Variants in TTC28 observed in about 807,000 individuals in gnomAD.
The protein encoded by TTC28 is tetratricopeptide repeat protein 28.
Under a neutral mutation model 198.0 loss-of-function variants are expected in TTC28, and 61 were observed. The ratio of observed to expected loss-of-function variants is 0.31; its 90% CI spans 0.25 to 0.38. The LOEUF is 0.38. Among genes scored for constraint, TTC28 ranks in the 10% least tolerant of loss-of-function variants. The pLI is 1.00. For missense variants in TTC28, 2,678 were observed against 3,164.0 expected, an observed-to-expected ratio of 0.85 and a Z score of 3.69; for synonymous variants, 1,171 against 1,297.8, an observed-to-expected ratio of 0.90 and a Z score of 2.10.
chr22:28,560,772 G>A (rs2049858215), intron 2 of TTC28, among the ~76,000 whole-genome samples: 2 of 151,556 alleles, frequency 1.3e-5, no homozygotes, highest in African/African-American at 4.8e-5. Context: ...TTGTTTGTTT[G>A]TTTGAGACAG....
chr22:28,174,670 G>A (rs906052811), intron 5 of TTC28, among the ~76,000 whole-genome samples: 2 of 152,020 alleles, frequency 1.3e-5, no homozygotes, highest in African/African-American at 4.8e-5. Context: ...CTATGATCAC[G>A]CCACTGCACT....
rs372048310 is a variant in TTC28 at position 28,092,548 on chromosome 22, T to C, written c.3932+1532A>G. Among the ~76,000 whole-genome samples, 20 of 152,304 alleles carry C rather than the reference T, an allele frequency of 1.3e-4. No homozygotes were observed. The East Asian group carries it at 3.7e-3, about 28-fold the overall frequency. Reference sequence around the variant, plus strand: ...CTGCCAAAGTCTGCCCTGCTGGCTCTCCTACTTTTGGGTTTCTATTGCTGG... The same window carrying C: ...CTGCCAAAGTCTGCCCTGCTGGCTCCCCTACTTTTGGGTTTCTATTGCTGG... On this transcript the variant is annotated intron_variant, in intron 12 of 22. Coordinates refer to ENST00000397906, the MANE Select transcript of TTC28 (RefSeq NM_001145418.2).
chr22:27,985,552 C>T (rs530500738), intron 21 of TTC28, 196 bp from the exon 22 acceptor site: 1 of 487,912 alleles, frequency 2.0e-6, no homozygotes. Context: ...CCACCCAGAA[C>T]ATCCACTCTA....
chr22:28,357,315 ATTTTT>A (rs11415868), intron 2 of TTC28, among the ~76,000 whole-genome samples: 11 of 113,486 alleles, frequency 9.7e-5, no homozygotes, highest in Admixed American at 1.0e-4. Context: ...CAAATTTCTT[ATTTTT>A]TTTTTTTTTT....
At chr22:28,244,709 C>T (rs1354653998) in intron 5 of TTC28, among the ~76,000 whole-genome samples, 3 of 152,192 alleles carry the variant, frequency 2.0e-5, no homozygotes, top group Admixed American at 6.5e-5. Flanking sequence ...ATCCATTATT[C>T]AATGTTTTTA....
intron 2 of TTC28, among the ~76,000 whole-genome samples, chr22:28,516,223 A>G (rs563374551): frequency 1.8e-4 from 27 of 152,290 alleles, no homozygotes; most frequent in Non-Finnish European, 1.0e-4. Context: ...AACATTTTTA[A>G]ATAGTAAACT....
At chr22:28,351,175 C>T (rs1231912591) in intron 2 of TTC28, among the ~76,000 whole-genome samples, 1 of 151,674 alleles carries the variant, frequency 6.6e-6, no homozygotes, top group Non-Finnish European at 1.5e-5. Flanking sequence ...GAGCAAGACT[C>T]TGTCTCAAAG....
At chr22:27,988,872 G>A (rs552055157) in intron 21 of TTC28, among the ~76,000 whole-genome samples, 1 of 152,276 alleles carries the variant, frequency 6.6e-6, no homozygotes, top group African/African-American at 2.4e-5. Context: ...CTGCCATGGT[G>A]CTCCCTGGCT....
chr22:28,120,433 C>G (rs1264889483), intron 6 of TTC28, among the ~76,000 whole-genome samples: 2 of 152,180 alleles, frequency 1.3e-5, no homozygotes, highest in African/African-American at 4.8e-5. Context: ...AAGACACTCA[C>G]AGAGGCCATG....
chr22:28,386,100 C>A (rs1286410026), intron 2 of TTC28, among the ~76,000 whole-genome samples: 2 of 150,774 alleles, frequency 1.3e-5, no homozygotes, highest in Admixed American at 6.6e-5. Flanking sequence ...AACGGTGAAA[C>A]CCCGTCTCTA....
intron 5 of TTC28, among the ~76,000 whole-genome samples, chr22:28,246,950 T>C (rs1930149239): frequency 6.6e-6 from 1 of 152,098 alleles, no homozygotes; most frequent in Non-Finnish European, 1.5e-5. Flanking sequence ...AAAAAATGCA[T>C]TTCTTGAAAG....
At chr22:28,560,945 T>A (rs143842671) in intron 2 of TTC28, among the ~76,000 whole-genome samples, 1 of 151,018 alleles carries the variant, frequency 6.6e-6, no homozygotes, top group Non-Finnish European at 1.5e-5. Flanking sequence ...TTAGTAGAGA[T>A]AGGGTTTCAC....
intron 2 of TTC28, among the ~76,000 whole-genome samples, chr22:28,380,858 T>C (rs2046483596): frequency 6.6e-6 from 1 of 152,142 alleles, no homozygotes; most frequent in African/African-American, 2.4e-5. Context: ...AGTGCTTGTG[T>C]TGGATCTTCC....
At chr22:28,554,007 C>T (rs1481802075) in intron 2 of TTC28, among the ~76,000 whole-genome samples, 1 of 152,078 alleles carries the variant, frequency 6.6e-6, no homozygotes, top group African/African-American at 2.4e-5. Context: ...ACATGGGAGA[C>T]TTTTCATTTT....
intron 12 of TTC28, among the ~76,000 whole-genome samples, chr22:28,036,670 G>T (rs1195645625): frequency 6.6e-6 from 1 of 152,152 alleles, no homozygotes; most frequent in Non-Finnish European, 1.5e-5. Context: ...ACTAAGATCA[G>T]AGCAGAACTG....
At chr22:28,208,952 G>C (rs567276840) in intron 5 of TTC28, among the ~76,000 whole-genome samples, 8 of 152,130 alleles carry the variant, frequency 5.3e-5, no homozygotes, top group Non-Finnish European at 1.2e-4. Context: ...AATCATCTGG[G>C]ATCTGCCAGA....
intron 2 of TTC28, among the ~76,000 whole-genome samples, chr22:28,550,843 T>C (rs552770935): frequency 6.6e-6 from 1 of 152,110 alleles, no homozygotes; most frequent in African/African-American, 2.4e-5. Flanking sequence ...TCATATAAAC[T>C]TAAGGCAAAG....
intron 5 of TTC28, among the ~76,000 whole-genome samples, chr22:28,179,934 C>T (rs1923540385): frequency 6.6e-6 from 1 of 152,106 alleles, no homozygotes; most frequent in South Asian, 2.1e-4. Flanking sequence ...AAATTTTGCA[C>T]ATTTTTATAG....
At chr22:28,056,617 G>T (rs1261169725) in intron 12 of TTC28, among the ~76,000 whole-genome samples, 2 of 114,830 alleles carry the variant, frequency 1.7e-5, no homozygotes, top group Non-Finnish European at 3.7e-5. Flanking sequence ...TACATTTATG[G>T]TTTTTAATAT....
Sources: gnomAD v4.1 joint callset for allele counts (sites outside exome capture counted in the v4.1 genomes callset) on GRCh38, gnomAD v4.1.1 for gene constraint, MANE v1.5 for transcripts, NCBI Gene and HGNC (gene_info 2026-07-23, HGNC 2026-07-21) for gene names.